UMOD: variants seen among roughly 807,000 people sequenced by gnomAD.
The protein encoded by UMOD is uromodulin, also known as Tamm-Horsfall urinary glycoprotein.
In UMOD, 64 loss-of-function variants were observed where a neutral mutation model predicts 66.0. The observed-to-expected ratio is 0.97, with a 90% CI of 0.79 to 1.19. The LOEUF (loss-of-function observed/expected upper bound fraction) is 1.19. UMOD is among the 50% of genes most tolerant of loss of function. The pLI, the probability that UMOD is intolerant of heterozygous loss-of-function variation, is 0.00. For missense variants in UMOD, 764 were observed against 850.9 expected (o/e 0.90, Z 1.27); for synonymous variants, 398 against 352.7 (o/e 1.13, Z -1.44).
intron 5 of UMOD, 24 bp downstream of exon 5, chr16:20,346,102 T>C (rs750597748): frequency 4.5e-5 from 72 of 1,608,928 alleles, no homozygotes; most frequent in Non-Finnish European, 5.8e-5. Flanking sequence ...GCTCTGGTTC[T>C]GTCCCCCACT....
intron 7 of UMOD, 24 bp downstream of exon 7, chr16:20,341,067 C>T: frequency 6.2e-7 from 1 of 1,611,404 alleles, no homozygotes; most frequent in South Asian, 1.1e-5. Flanking sequence ...CCCATGAGTT[C>T]CCATGTAGGA....
At chr16:20,333,653 G>A (rs1964710998) in intron 10 of UMOD, among the ~76,000 whole-genome samples, 1 of 152,148 alleles carries the variant, frequency 6.6e-6, no homozygotes, top group Non-Finnish European at 1.5e-5. Flanking sequence ...GAGACCTTGG[G>A]GGATAGTCAC....
chr16:20,350,101 G>T (rs538568966), intron 2 of UMOD, among the ~76,000 whole-genome samples: 1 of 152,118 alleles, frequency 6.6e-6, no homozygotes, highest in Admixed American at 6.5e-5. Context: ...GGATAAAAAC[G>T]CAGATGGCAG....
chr16:20,346,335 C>T lies in UMOD; in HGVS notation c.974-1G>A. The T allele has an allele frequency of 6.2e-7, 1 of 1,614,244 alleles. No homozygotes were observed. Among genetic ancestry groups the T allele is most frequent in the Non-Finnish European group, 8.5e-7 (1 of 1,180,050 alleles). ...AGCCTGTGCTCCAGGAGGGAGATAT[C>T]TGAAACAGGTTAGGTGGGATTGAGG... On this transcript the variant is annotated splice_acceptor_variant, in intron 4 of 10. Transcript: ENST00000396138. LOFTEE classifies it high-confidence loss of function.
intron 4 of UMOD, 43 bp from the exon 5 acceptor site, chr16:20,346,377 T>G (rs1965588418): frequency 1.2e-6 from 2 of 1,607,912 alleles, no homozygotes; most frequent in African/African-American, 2.7e-5. Flanking sequence ...GTCTATAGCT[T>G]GGGGGCCCAG....
chr16:20,345,261 G>T (rs1013458784), intron 5 of UMOD, among the ~76,000 whole-genome samples: 1 of 152,178 alleles, frequency 6.6e-6, no homozygotes, highest in East Asian at 1.9e-4. Flanking sequence ...TTATCCACCC[G>T]CCTCGGCCCC....
chr16:20,340,912 T>G (rs547358761), intron 7 of UMOD, among the ~76,000 whole-genome samples, 179 bp downstream of exon 7: 2 of 150,646 alleles, frequency 1.3e-5, no homozygotes, highest in Admixed American at 1.3e-4. Flanking sequence ...AAGAATCACT[T>G]GAACCCAGGA....
intron 2 of UMOD, among the ~76,000 whole-genome samples, 195 bp from the exon 3 acceptor site, chr16:20,349,407 A>G (rs1015750974): frequency 4.6e-5 from 7 of 152,240 alleles, no homozygotes; most frequent in Middle Eastern, 3.4e-3. Flanking sequence ...TTCTGTGTTT[A>G]TTTCATTGTA....
chr16:20,350,649 C>T lies in UMOD; in HGVS notation c.88+1G>A. On this transcript the variant is annotated splice_donor_variant, in intron 2 of 10. Transcript: ENST00000396138. LOFTEE classifies it high-confidence loss of function. ...ACAACGCACACACACTTTTCACTTA[C>T]TTGCTTCTGAGGTGTCAGTGGCTGC... is the stretch of plus-strand genomic sequence containing the variant. 2 of 1,614,158 alleles carry T rather than the reference C, an allele frequency of 1.2e-6. No individual in the cohort carries two copies. The highest frequency in any genetic ancestry group is 2.2e-5 in the East Asian group (1 of 44,880).
At chr16:20,336,193 GGATCACCCA>G (rs1336473225) in intron 9 of UMOD, among the ~76,000 whole-genome samples, 1 of 152,132 alleles carries the variant, frequency 6.6e-6, no homozygotes, top group Non-Finnish European at 1.5e-5. Flanking sequence ...TGCACTTAAT[GGATCACCCA>G]GATCCTACAC....
At chr16:20,354,026 G>A (rs1008449230), upstream of UMOD, among the ~76,000 whole-genome samples, 6 of 152,086 alleles carry the variant, frequency 3.9e-5, no homozygotes, top group African/African-American at 1.2e-4. Context: ...TTGTCCTTGC[G>A]ATAGTTTGCT....
rs980664734 is a variant in UMOD at position 20,337,419 on chromosome 16, C to G, written c.1612G>C (p.Val538Leu). 6.2e-7 allele frequency: 1 copy of G among 1,614,186 alleles called. No individual in the cohort carries two copies. Residue 538 changes from valine to leucine, a missense_variant, in exon 8 of 11, where the codon GTG (valine) becomes CTG (leucine). Transcript: ENST00000396138. Reference sequence around the variant, plus strand: ...CCCTGGGAGGACTCCCCATTCTCCACCACTTGGATAGTTGAGTCTCTAGTG... The same window carrying G: ...CCCTGGGAGGACTCCCCATTCTCCAGCACTTGGATAGTTGAGTCTCTAGTG... ...PHTRDSTIQV[V>L]ENGESSQGRF...
At position 20,337,287 on chromosome 16, in the gene UMOD, TCA is replaced by T; in HGVS notation, c.1740+2_1740+3del. ...GATGGGCTGGGGGAGGGGAGTCAAC[TCA>T]CAGGCTTGCACTTTTCATTCATGGT... On this transcript the variant is annotated splice_donor_variant and splice_donor_region_variant and intron_variant, in intron 8 of 10. Coordinates refer to ENST00000396138, the MANE Select transcript of UMOD (RefSeq NM_003361.4). LOFTEE classifies it high-confidence loss of function. The T allele has an allele frequency of 1.2e-6, 2 of 1,614,194 alleles. No individual in the cohort carries two copies. The highest frequency in any genetic ancestry group is 1.7e-6 in the Non-Finnish European group (2 of 1,180,032).
chr16:20,354,126 G>C (rs1183078706), upstream of UMOD, among the ~76,000 whole-genome samples: 1 of 152,170 alleles, frequency 6.6e-6, no homozygotes, highest in African/African-American at 2.4e-5. Context: ...CGGTGTATAT[G>C]TGCCACATTT....
intron 7 of UMOD, among the ~76,000 whole-genome samples, chr16:20,338,334 C>T (rs1191724339): frequency 6.6e-6 from 1 of 152,146 alleles, no homozygotes; most frequent in South Asian, 2.1e-4. Flanking sequence ...CGACTTGTCT[C>T]CTCTTTTCAT....
Position 20,348,209 on chromosome 16 carries a change from C to T in UMOD, c.973+14G>A, listed in dbSNP as rs777030506. The stretch of plus-strand genomic sequence containing the variant: ...AGGTTTCTCAACAACCCGCTTCCTC[C>T]CCACTGGCCTCACCAGTGATGTTGA... On this transcript the variant is annotated intron_variant, in intron 4 of 10. Coordinates refer to ENST00000396138, the MANE Select transcript of UMOD (RefSeq NM_003361.4). 1 of 1,610,352 alleles carries T rather than the reference C, an allele frequency of 6.2e-7. No homozygotes were observed. The highest frequency in any genetic ancestry group is 1.3e-5 in the African/African-American group (1 of 74,996).
intron 2 of UMOD, chr16:20,349,671 G>C: frequency 2.1e-6 from 3 of 1,451,186 alleles, no homozygotes; most frequent in African/African-American, 1.4e-5. Flanking sequence ...TTTTAAAATA[G>C]CCACATTCAG....
chr16:20,336,547 G>A, intron 9 of UMOD, 99 bp downstream of exon 9: 1 of 1,161,810 alleles, frequency 8.6e-7, no homozygotes, highest in Non-Finnish European at 1.3e-6. Context: ...CAGTTCTTCA[G>A]AGCTCAGTAA....
chr16:20,349,086 G>A lies in UMOD; in HGVS notation c.215C>T (p.Pro72Leu), dbSNP rs1341548443. 2 of 1,613,088 alleles carry A rather than the reference G, an allele frequency of 1.2e-6. No individual in the cohort carries two copies. The highest frequency in any genetic ancestry group is 1.3e-5 in the African/African-American group (1 of 75,026). The stretch of plus-strand genomic sequence containing the variant: ...GTTGGCGGAGCAGTTGTGAGCTCCA[G>A]GAATGGCGCACTCATCCAGGTCCAC... ...TCVDLDECAI[P>L]GAHNCSANSS... The change falls in exon 3 of 11, where the codon CCT becomes CTT. Residue 72 changes from proline (P) to leucine (L), a missense_variant. Physicochemically the swap from Pro to Leu is moderately conservative, Grantham distance 98. Transcript: ENST00000396138.
Sources: allele counts gnomAD v4.1 joint callset (sites outside exome capture counted in the v4.1 genomes callset), GRCh38; gene constraint gnomAD v4.1.1; transcripts MANE v1.5; gene names NCBI Gene and HGNC (gene_info 2026-07-23, HGNC 2026-07-21).